GRIN2B: variants seen among roughly 807,000 people sequenced by gnomAD.
GRIN2B encodes the protein glutamate receptor ionotropic, NMDA 2B.
A neutral mutation model predicts 114.5 loss-of-function variants in GRIN2B; 5 were observed. The ratio of observed to expected loss-of-function variants is 0.04; its 90% CI spans 0.02 to 0.09. The LOEUF is 0.09. GRIN2B is among the 10% of genes least tolerant of loss of function. The pLI, the probability that GRIN2B is intolerant of heterozygous loss-of-function variation, is 1.00. For missense variants in GRIN2B, 1,108 were observed against 1,943.5 expected, an observed-to-expected ratio of 0.57 and a Z score of 8.08; for synonymous variants, 787 against 745.1, an observed-to-expected ratio of 1.06 and a Z score of -0.92.
chr12:13,922,756 G>A (rs1866844904), intron 2 of GRIN2B, among the ~76,000 whole-genome samples: 1 of 152,174 alleles, frequency 6.6e-6, no homozygotes, highest in African/African-American at 2.4e-5. Flanking sequence ...CCTACTGGTG[G>A]TAACAGCACC....
chr12:13,649,218 A>T (rs1334753352), intron 5 of GRIN2B, among the ~76,000 whole-genome samples: 1 of 152,106 alleles, frequency 6.6e-6, no homozygotes, highest in East Asian at 1.9e-4. Flanking sequence ...AAAGTAATTT[A>T]TCAAAGGAAG....
At chr12:13,702,041 C>T (rs1168564086) in intron 4 of GRIN2B, among the ~76,000 whole-genome samples, 1 of 152,182 alleles carries the variant, frequency 6.6e-6, no homozygotes, top group East Asian at 1.9e-4. Flanking sequence ...AATAACAGAA[C>T]TTCAGCAATT....
chr12:13,629,977 C>T (rs1031409628), intron 5 of GRIN2B, among the ~76,000 whole-genome samples: 2 of 152,168 alleles, frequency 1.3e-5, no homozygotes. Context: ...GTGTGCATAT[C>T]TCGGCCTCAC....
intron 4 of GRIN2B, among the ~76,000 whole-genome samples, chr12:13,681,425 C>T (rs1250728780): frequency 6.6e-6 from 1 of 152,078 alleles, no homozygotes; most frequent in African/African-American, 2.4e-5. Context: ...CTCTCATTTT[C>T]CTTCTCTAGC....
At chr12:13,695,324 A>G in intron 4 of GRIN2B, among the ~76,000 whole-genome samples, 1 of 152,164 alleles carries the variant, frequency 6.6e-6, no homozygotes, top group Non-Finnish European at 1.5e-5. Flanking sequence ...TGACCTAGCA[A>G]TAACTGAGTC....
intron 3 of GRIN2B, among the ~76,000 whole-genome samples, chr12:13,777,348 A>C (rs989890192): frequency 6.6e-6 from 1 of 152,150 alleles, no homozygotes; most frequent in East Asian, 1.9e-4. Flanking sequence ...CTGACCACTC[A>C]ATAGTTTCCA....
intron 2 of GRIN2B, among the ~76,000 whole-genome samples, chr12:13,939,110 T>C (rs141313681): frequency 1.5e-3 from 234 of 152,306 alleles, no homozygotes; most frequent in African/African-American, 5.6e-3. Context: ...AATATCATTA[T>C]TATTGTTACT....
At chr12:13,803,435 T>A in intron 3 of GRIN2B, among the ~76,000 whole-genome samples, 1 of 152,188 alleles carries the variant, frequency 6.6e-6, no homozygotes, top group East Asian at 1.9e-4. Flanking sequence ...CAAGTATTAC[T>A]GAGATGAAAT....
intron 4 of GRIN2B, among the ~76,000 whole-genome samples, chr12:13,746,183 C>G (rs1324682416): frequency 6.6e-6 from 1 of 152,104 alleles, no homozygotes; most frequent in Non-Finnish European, 1.5e-5. Context: ...AGGACATTTG[C>G]ATCAGGATTT....
intron 3 of GRIN2B, among the ~76,000 whole-genome samples, chr12:13,863,915 C>T (rs927726795): frequency 6.6e-6 from 1 of 152,178 alleles, no homozygotes; most frequent in African/African-American, 2.4e-5. Context: ...CGCTCTTAAC[C>T]ATATCAGAAT....
intron 4 of GRIN2B, among the ~76,000 whole-genome samples, chr12:13,740,246 G>T (rs7966070): frequency 0.14 from 21,199 of 152,022 alleles, 1,497 homozygotes; most frequent in East Asian, 0.19. Context: ...TATATTTCAA[G>T]AAAAATAAGT....
intron 4 of GRIN2B, among the ~76,000 whole-genome samples, chr12:13,689,593 C>T (rs1224977431): frequency 6.6e-6 from 1 of 152,166 alleles, no homozygotes; most frequent in African/African-American, 2.4e-5. Context: ...GGGCCCTTTG[C>T]CTTATATCAT....
At chr12:13,692,546 A>G (rs1297287571) in intron 4 of GRIN2B, among the ~76,000 whole-genome samples, 1 of 151,856 alleles carries the variant, frequency 6.6e-6, no homozygotes, top group African/African-American at 2.4e-5. Context: ...CCCACATCTC[A>G]AAGCTGTGCA....
At chr12:13,883,535 G>A (rs889255958) in intron 2 of GRIN2B, among the ~76,000 whole-genome samples, 1 of 151,718 alleles carries the variant, frequency 6.6e-6, no homozygotes, top group Non-Finnish European at 1.5e-5. Flanking sequence ...GTTTTGAGTC[G>A]AATCTCCTGC....
rs1325633020 is a variant in GRIN2B, at chr12:13,573,101, A to AGAT, written c.2011-1140_2011-1138dup. Among the ~76,000 whole-genome samples the AGAT allele has an allele frequency of 2.0e-5, 3 of 149,338 alleles. 1 individual carries two copies. Among genetic ancestry groups the AGAT allele is most frequent in the Non-Finnish European group, 4.5e-5 (3 of 67,134 alleles). On this transcript the variant is annotated intron_variant, in intron 10 of 13. Coordinates refer to ENST00000609686, the MANE Select transcript of GRIN2B (RefSeq NM_000834.5). ...CATCCTGTCCTCATTTGTAAGAAGG[A>AGAT]GATGATAATGCCTAATTTTCAAGAA...
At chr12:13,717,548 G>C (rs1343699990) in intron 4 of GRIN2B, among the ~76,000 whole-genome samples, 1 of 151,882 alleles carries the variant, frequency 6.6e-6, no homozygotes, top group South Asian at 2.1e-4. Flanking sequence ...ATACAATAGG[G>C]CTCCTGGCAC....
chr12:13,849,223 C>G (rs1865518047), intron 3 of GRIN2B, among the ~76,000 whole-genome samples: 2 of 152,164 alleles, frequency 1.3e-5, no homozygotes, highest in Admixed American at 1.3e-4. Flanking sequence ...CCGCTGCTCT[C>G]TTTCTACCCT....
At chr12:13,688,703 T>C (rs1024981935) in intron 4 of GRIN2B, among the ~76,000 whole-genome samples, 2 of 152,234 alleles carry the variant, frequency 1.3e-5, no homozygotes, top group African/African-American at 4.8e-5. Context: ...CTAGAATATT[T>C]ATTTGGTTTG....
chr12:13,643,075 T>C (rs1006503768), intron 5 of GRIN2B, among the ~76,000 whole-genome samples: 3 of 152,198 alleles, frequency 2.0e-5, no homozygotes, highest in Admixed American at 2.0e-4. Flanking sequence ...ACTTAGTCTG[T>C]GAAGACGAAA....
Sources: allele counts gnomAD v4.1 joint callset (sites outside exome capture counted in the v4.1 genomes callset), GRCh38; gene constraint gnomAD v4.1.1; transcripts MANE v1.5; gene names NCBI Gene and HGNC (gene_info 2026-07-23, HGNC 2026-07-21).